Variants in TRAPPC9 observed in about 807,000 individuals in gnomAD.
TRAPPC9 encodes the protein IKK2 binding protein.
In TRAPPC9, 83 loss-of-function variants were observed where a neutral mutation model predicts 124.0. That is an observed-to-expected ratio of 0.67 (90% CI 0.56 to 0.80). The LOEUF (loss-of-function observed/expected upper bound fraction) is 0.80, where lower values mean the gene tolerates loss of function less well. Ranked by LOEUF, TRAPPC9 falls within the 30% of genes least tolerant of loss-of-function variation. The pLI is 0.00. For missense variants in TRAPPC9, 1,302 were observed against 1,508.3 expected (o/e 0.86, Z 2.27); for synonymous variants, 638 against 617.5 (o/e 1.03, Z -0.49).
intron 19 of TRAPPC9, among the ~76,000 whole-genome samples, chr8:139,947,924 C>CGAGA (rs59675753): frequency 0.21 from 16,118 of 78,050 alleles, 2,310 homozygotes; most frequent in Non-Finnish European, 0.26. Flanking sequence ...AGAGAGAGAG[C>CGAGA]GAGAGAGAGA....
At chr8:139,863,204 G>T (rs762050426) in intron 21 of TRAPPC9, among the ~76,000 whole-genome samples, 1 of 152,240 alleles carries the variant, frequency 6.6e-6, no homozygotes, top group Admixed American at 6.5e-5. Flanking sequence ...CGCTCAGGTG[G>T]GTCCTAGCAT....
intron 17 of TRAPPC9, among the ~76,000 whole-genome samples, chr8:140,213,585 A>ATT (rs11402721): frequency 0.012 from 1,746 of 149,820 alleles, 40 homozygotes; most frequent in African/African-American, 0.04. Context: ...TTTAATCTAC[A>ATT]TTTTTTTTTT....
At chr8:140,310,711 G>A (rs539594398) in intron 10 of TRAPPC9, among the ~76,000 whole-genome samples, 3 of 152,192 alleles carry the variant, frequency 2.0e-5, no homozygotes, top group African/African-American at 7.2e-5. Flanking sequence ...CTCAGGAAAG[G>A]TGTCCTGGAA....
At position 139,783,575 on chromosome 8, in the gene TRAPPC9, T is replaced by C. The variant is rs562845579; in HGVS notation, c.3056-51373A>G. ...AAACTTCAGGTCCCGATTATTTTAC[T>C]AGCAGATTCTACCAAACATTGAAGA... On this transcript the variant is annotated intron_variant, in intron 21 of 22. Coordinates refer to ENST00000438773, the MANE Select transcript of TRAPPC9 (RefSeq NM_001160372.4). Among the ~76,000 whole-genome samples the C allele has an allele frequency of 2.9e-3, 435 of 152,332 alleles. 3 individuals are homozygous for C. The highest frequency in any genetic ancestry group is 9.1e-3 in the African/African-American group (379 of 41,576).
intron 9 of TRAPPC9, among the ~76,000 whole-genome samples, chr8:140,311,936 C>T (rs781554893): frequency 9.9e-5 from 15 of 152,202 alleles, no homozygotes; most frequent in Non-Finnish European, 2.2e-4. Context: ...TAATCATGTC[C>T]GCTTCCTGTC....
At position 140,409,301 on chromosome 8, in the gene TRAPPC9, C is replaced by T. The variant is rs149733647; in HGVS notation, c.887-3603G>A. Among the ~76,000 whole-genome samples the T allele has an allele frequency of 5.3e-3, 811 of 152,162 alleles. 5 individuals carry two copies. Among genetic ancestry groups the T allele is most frequent in the Non-Finnish European group, 7.9e-3 (540 of 67,994 alleles). ...GTTGGCAAAAATGTTAAAAGCCTGA[C>T]AACACACAGTGTTGGTGTATATATG... On this transcript the variant is annotated intron_variant, in intron 5 of 22. Transcript: ENST00000438773.
intron 4 of TRAPPC9, among the ~76,000 whole-genome samples, chr8:140,432,241 G>GATC (rs2132585836): frequency 6.6e-6 from 1 of 152,224 alleles, no homozygotes; most frequent in Non-Finnish European, 1.5e-5. Flanking sequence ...AATAAGAAAT[G>GATC]ATCAACAGGG....
chr8:140,399,527 A>C (rs1287182578), intron 6 of TRAPPC9, among the ~76,000 whole-genome samples: 1 of 152,232 alleles, frequency 6.6e-6, no homozygotes, highest in Non-Finnish European at 1.5e-5. Flanking sequence ...TAGAGCTTTA[A>C]GATTTGACTG....
intron 17 of TRAPPC9, among the ~76,000 whole-genome samples, chr8:140,210,822 G>GGAT (rs1487519793): frequency 6.6e-6 from 1 of 152,122 alleles, no homozygotes; most frequent in Non-Finnish European, 1.5e-5. Flanking sequence ...GCAAGCCTGT[G>GGAT]GCCATGCTCC....
chr8:140,128,410 C>T (rs1189304063), intron 17 of TRAPPC9, among the ~76,000 whole-genome samples: 1 of 152,198 alleles, frequency 6.6e-6, no homozygotes, highest in Non-Finnish European at 1.5e-5. Context: ...TGTGCCCAGC[C>T]AGAATGGAGG....
intron 9 of TRAPPC9, among the ~76,000 whole-genome samples, chr8:140,335,023 A>G (rs886722060): frequency 2.0e-5 from 3 of 152,174 alleles, no homozygotes; most frequent in African/African-American, 7.2e-5. Flanking sequence ...ATGGATAGAA[A>G]AAGTATGCAA....
intron 21 of TRAPPC9, among the ~76,000 whole-genome samples, chr8:139,768,367 C>T (rs2130421332): frequency 6.6e-6 from 1 of 152,346 alleles, no homozygotes; most frequent in South Asian, 2.1e-4. Flanking sequence ...GTTCCCTGGG[C>T]AGTCAGGGAA....
At chr8:139,838,399 C>T (rs939199395) in intron 21 of TRAPPC9, among the ~76,000 whole-genome samples, 1 of 152,200 alleles carries the variant, frequency 6.6e-6, no homozygotes, top group African/African-American at 2.4e-5. Context: ...CCATCAGAAC[C>T]CGAAACACGA....
intron 17 of TRAPPC9, among the ~76,000 whole-genome samples, chr8:140,146,548 T>A (rs545249431): frequency 6.6e-6 from 1 of 152,368 alleles, no homozygotes. Flanking sequence ...AGCCACTTTA[T>A]GTATCTCCAT....
chr8:139,895,659 G>A (rs1213737603), intron 20 of TRAPPC9, among the ~76,000 whole-genome samples: 5 of 152,166 alleles, frequency 3.3e-5, no homozygotes, highest in Non-Finnish European at 7.3e-5. Context: ...TGGGACGCTG[G>A]GACACAGCTG....
chr8:139,955,426 G>A (rs1834908446), intron 19 of TRAPPC9, among the ~76,000 whole-genome samples: 1 of 151,828 alleles, frequency 6.6e-6, no homozygotes, highest in African/African-American at 2.4e-5. Context: ...ATGGATCCAA[G>A]AGCAAACTTG....
chr8:140,179,853 C>T (rs2062157095), intron 17 of TRAPPC9, among the ~76,000 whole-genome samples: 1 of 152,082 alleles, frequency 6.6e-6, no homozygotes, highest in Admixed American at 6.5e-5. Flanking sequence ...TACTGGTCAA[C>T]TTTGTCTTAT....
At chr8:140,287,791 T>C in intron 12 of TRAPPC9, 57 bp from the exon 13 acceptor site, 1 of 1,611,932 alleles carries the variant, frequency 6.2e-7, no homozygotes, top group South Asian at 1.1e-5. Context: ...GTGTGCTCAG[T>C]TCCAAATGAG....
Position 140,187,370 on chromosome 8 carries a change from C to T in TRAPPC9, c.2556+34089G>A, listed in dbSNP as rs2062376228. Among the ~76,000 whole-genome samples, 2 of 152,124 alleles carry T rather than the reference C, an allele frequency of 1.3e-5. 1 individual carries two copies. The highest frequency in any genetic ancestry group is 4.1e-4 in the South Asian group (2 of 4,828). On this transcript the variant is annotated intron_variant, in intron 17 of 22. Coordinates refer to ENST00000438773, the MANE Select transcript of TRAPPC9 (RefSeq NM_001160372.4). The stretch of plus-strand genomic sequence containing the variant: ...GGCTGAGCATCCCAACTCGGAAAAT[C>T]TGAAATGCTCCAAAATTTGGGGTTT...
Sources: gnomAD v4.1 joint callset for allele counts (sites outside exome capture counted in the v4.1 genomes callset) on GRCh38, gnomAD v4.1.1 for gene constraint, MANE v1.5 for transcripts, NCBI Gene and HGNC (gene_info 2026-07-23, HGNC 2026-07-21) for gene names.